Variants in PLPP4 observed in about 807,000 individuals in gnomAD.
PLPP4 encodes the protein phospholipid phosphatase 4, also known as diacylglycerol pyrophosphate like 2.
In PLPP4, 20 loss-of-function variants were observed where a neutral mutation model predicts 32.2. The ratio of observed to expected loss-of-function variants is 0.62; its 90% CI spans 0.44 to 0.90. The LOEUF (loss-of-function observed/expected upper bound fraction) is 0.90. Ranked by LOEUF, PLPP4 falls within the 40% of genes least tolerant of loss-of-function variation. PLPP4 has a pLI of 0.00. For missense variants in PLPP4, 257 were observed against 353.1 expected (o/e 0.73, Z 2.18); for synonymous variants, 127 against 133.0 (o/e 0.95, Z 0.31).
chr10:120,457,359 C>T lies in PLPP4; in HGVS notation c.54C>T (p.Phe18=). ...IGVRALLFGV[F]VFTEFLDPFQ... ...TGCGAGCCCTGCTCTTCGGAGTCTT[C>T]GTGTAAGTAGTGGCGCACCGCGGGC... Residue 18 remains phenylalanine, a splice_region_variant and synonymous_variant, in exon 1 of 7, where the codon TTC becomes TTT. Coordinates refer to ENST00000398250, the MANE Select transcript of PLPP4 (RefSeq NM_001030059.3). The T allele has an allele frequency of 1.3e-6, 2 of 1,533,306 alleles. No individual in the cohort carries two copies. Among genetic ancestry groups the T allele is most frequent in the Non-Finnish European group, 1.8e-6 (2 of 1,138,782 alleles). 95.0% of individuals were successfully genotyped at this position (1,533,306 alleles called of 1,614,324 possible).
intron 1 of PLPP4, among the ~76,000 whole-genome samples, chr10:120,491,197 A>G (rs75846765): frequency 0.022 from 3,304 of 152,256 alleles, 141 homozygotes; most frequent in African/African-American, 0.075. Context: ...CCAGGAAGCC[A>G]GTAGGAGGTG....
chr10:120,533,352 T>A (rs1394979689), intron 5 of PLPP4, among the ~76,000 whole-genome samples: 1 of 152,186 alleles, frequency 6.6e-6, no homozygotes, highest in Non-Finnish European at 1.5e-5. Context: ...TGCCCATTTT[T>A]AAATCCGGTT....
chr10:120,537,941 A>G, intron 5 of PLPP4, among the ~76,000 whole-genome samples: 1 of 147,228 alleles, frequency 6.8e-6, no homozygotes, highest in Non-Finnish European at 1.5e-5. Context: ...ATCCTCAGCC[A>G]GGGCCCTGCC....
At chr10:120,578,696 G>A (rs1431721233) in intron 6 of PLPP4, among the ~76,000 whole-genome samples, 2 of 152,154 alleles carry the variant, frequency 1.3e-5, no homozygotes, top group African/African-American at 4.8e-5. Flanking sequence ...GTTTTATTAA[G>A]TGACGAAAAT....
intron 5 of PLPP4, among the ~76,000 whole-genome samples, chr10:120,533,752 G>A (rs989447): frequency 0.99 from 150,587 of 152,222 alleles, 74,495 homozygotes; most frequent in East Asian, 1. Context: ...GAGGGAAAAA[G>A]GGAGAGCAAA....
intron 5 of PLPP4, among the ~76,000 whole-genome samples, chr10:120,573,845 T>G (rs897648513): frequency 6.6e-5 from 10 of 152,170 alleles, no homozygotes; most frequent in African/African-American, 2.4e-4. Context: ...CCTGAGGATC[T>G]GCATTTGTCA....
intron 1 of PLPP4, among the ~76,000 whole-genome samples, chr10:120,476,106 C>G (rs1220400826): frequency 6.6e-6 from 1 of 152,180 alleles, no homozygotes; most frequent in Non-Finnish European, 1.5e-5. Context: ...GAGATCTGGG[C>G]TGCAGTGGAG....
chr10:120,560,368 GC>G (rs1848375190), intron 5 of PLPP4, among the ~76,000 whole-genome samples: 1 of 151,390 alleles, frequency 6.6e-6, no homozygotes, highest in Non-Finnish European at 1.5e-5. Context: ...CATTTGTGAA[GC>G]TGTCACTGCA....
Position 120,497,055 on chromosome 10 carries a change from C to T in PLPP4, c.57-6763C>T, listed in dbSNP as rs549710204. Among the ~76,000 whole-genome samples the T allele has an allele frequency of 1.4e-4, 22 of 152,084 alleles. No homozygotes were observed. The East Asian group carries it at 4.1e-3, about 28-fold the overall frequency. ...GGTAGGACCATATTTTAATTTGATG[C>T]CAAGGCGGTTAAAGGCCTGGAGAGC... On this transcript the variant is annotated intron_variant, in intron 1 of 6. Coordinates refer to ENST00000398250, the MANE Select transcript of PLPP4 (RefSeq NM_001030059.3).
chr10:120,575,039 G>A (rs564869523), intron 5 of PLPP4, 92 bp from the exon 6 acceptor site: 6 of 1,359,364 alleles, frequency 4.4e-6, no homozygotes, highest in Middle Eastern at 1.9e-4. Context: ...GGCCTTGGGG[G>A]TGTGCAAGAC....
At chr10:120,574,487 A>G (rs1224544508) in intron 5 of PLPP4, among the ~76,000 whole-genome samples, 1 of 152,194 alleles carries the variant, frequency 6.6e-6, no homozygotes, top group Non-Finnish European at 1.5e-5. Flanking sequence ...TTGTCTTTGC[A>G]ATTCAGAAAA....
intron 2 of PLPP4, among the ~76,000 whole-genome samples, chr10:120,505,223 G>A (rs188720724): frequency 2.6e-5 from 4 of 152,322 alleles, no homozygotes; most frequent in East Asian, 1.9e-4. Context: ...AGGTTCTAGC[G>A]GCCAGCTCTT....
chr10:120,476,147 T>C (rs527309360), intron 1 of PLPP4, among the ~76,000 whole-genome samples: 1 of 152,300 alleles, frequency 6.6e-6, no homozygotes, highest in Non-Finnish European at 1.5e-5. Context: ...ATGGTGGCTC[T>C]CAGAGCTAAG....
intron 4 of PLPP4, 54 bp from the exon 5 acceptor site, chr10:120,520,917 G>T: frequency 6.2e-7 from 1 of 1,607,520 alleles, no homozygotes; most frequent in East Asian, 2.2e-5. Flanking sequence ...TCAGCTTGGG[G>T]TCATTTGTGA....
intron 5 of PLPP4, among the ~76,000 whole-genome samples, chr10:120,546,315 A>T (rs959649994): frequency 5.9e-5 from 9 of 152,010 alleles, no homozygotes; most frequent in African/African-American, 1.9e-4. Flanking sequence ...CCTGCATTCT[A>T]TACCTCCCCT....
At chr10:120,562,466 A>C (rs1469133547) in intron 5 of PLPP4, among the ~76,000 whole-genome samples, 1 of 152,092 alleles carries the variant, frequency 6.6e-6, no homozygotes, top group Non-Finnish European at 1.5e-5. Flanking sequence ...CTTCTTGTGC[A>C]ATGTTCTAGA....
intron 6 of PLPP4, among the ~76,000 whole-genome samples, chr10:120,583,053 T>C (rs1849594259): frequency 6.6e-6 from 1 of 151,942 alleles, no homozygotes; most frequent in Admixed American, 6.6e-5. Context: ...AAAAATCACA[T>C]GCACTTGTTG....
chr10:120,489,896 T>A (rs1844634951), intron 1 of PLPP4, among the ~76,000 whole-genome samples: 2 of 152,130 alleles, frequency 1.3e-5, no homozygotes, highest in South Asian at 4.2e-4. Flanking sequence ...ATTTGTTCAG[T>A]CATTGATTCA....
At chr10:120,564,011 C>G (rs1047796672) in intron 5 of PLPP4, among the ~76,000 whole-genome samples, 3 of 151,630 alleles carry the variant, frequency 2.0e-5, no homozygotes, top group Middle Eastern at 3.2e-3. Context: ...TTATTTTTCT[C>G]TTTCAATTTT....
Sources: allele counts gnomAD v4.1 joint callset (sites outside exome capture counted in the v4.1 genomes callset), GRCh38; gene constraint gnomAD v4.1.1; transcripts MANE v1.5; gene names NCBI Gene and HGNC (gene_info 2026-07-23, HGNC 2026-07-21).